ABHD6: variants seen among roughly 807,000 people sequenced by gnomAD.
ABHD6 encodes monoacylglycerol lipase ABHD6.
A neutral mutation model predicts 38.8 loss-of-function variants in ABHD6; 33 were observed. That is an observed-to-expected ratio of 0.85 (90% CI 0.64 to 1.14). The LOEUF is 1.14. ABHD6 is among the 50% of genes most tolerant of loss of function. The pLI is 0.00. For missense variants in ABHD6, 380 were observed against 422.6 expected, an observed-to-expected ratio of 0.90 and a Z score of 0.88; for synonymous variants, 147 against 161.6, an observed-to-expected ratio of 0.91 and a Z score of 0.69.
At chr3:58,282,249 T>C (rs2097453832) in intron 7 of ABHD6, among the ~76,000 whole-genome samples, 1 of 152,084 alleles carries the variant, frequency 6.6e-6, no homozygotes, top group Non-Finnish European at 1.5e-5. Context: ...ATAGGACCAC[T>C]GAGAGATTGT....
intron 7 of ABHD6, among the ~76,000 whole-genome samples, chr3:58,282,652 C>T (rs1473752644): frequency 1.3e-5 from 2 of 152,156 alleles, no homozygotes; most frequent in African/African-American, 2.4e-5. Flanking sequence ...GAGAGGATCA[C>T]CTGAGCCCAG....
At chr3:58,275,230 C>T (rs2097447896) in intron 7 of ABHD6, among the ~76,000 whole-genome samples, 2 of 149,250 alleles carry the variant, frequency 1.3e-5, no homozygotes, top group South Asian at 4.2e-4. Flanking sequence ...GCTGGAGCCC[C>T]AAGAATAAGA....
chr3:58,279,712 T>C (rs2097451522), intron 7 of ABHD6, among the ~76,000 whole-genome samples: 1 of 152,238 alleles, frequency 6.6e-6, no homozygotes, highest in South Asian at 2.1e-4. Context: ...TGGCATGTTT[T>C]TGCAGTGGCT....
At chr3:58,291,347 C>T (rs925897484) in intron 9 of ABHD6, among the ~76,000 whole-genome samples, 2 of 151,888 alleles carry the variant, frequency 1.3e-5, no homozygotes, top group Admixed American at 6.6e-5. Context: ...AGCTTCGGCT[C>T]GGCATCAGAG....
chr3:58,293,698 C>T lies in ABHD6; in HGVS notation c.947C>T (p.Thr316Ile). 5.6e-6 allele frequency: 9 copies of T among 1,614,250 alleles called. No individual in the cohort carries two copies. Among genetic ancestry groups the T allele is most frequent in the Non-Finnish European group, 7.6e-6 (9 of 1,180,044 alleles). Residue 316 changes from threonine (T) to isoleucine (I), a missense_variant, in exon 10 of 10, where the codon ACA (threonine) becomes ATA (isoleucine). Physicochemically the swap from Thr to Ile is moderately conservative, Grantham distance 89 (BLOSUM62 -1). Transcript: ENST00000478253. The surrounding 1 kb of genome is among the most constrained non-coding windows in gnomAD (Gnocchi z 4.4). ...HSVVMERPRK[T>I]AKLIIDFLAS... Reference sequence around the variant, plus strand: ...GTAGTGATGGAAAGACCCAGGAAGACAGCCAAGCTCATAATCGACTTTTTA... The same window carrying T: ...GTAGTGATGGAAAGACCCAGGAAGATAGCCAAGCTCATAATCGACTTTTTA...
intron 1 of ABHD6, among the ~76,000 whole-genome samples, chr3:58,249,240 A>G (rs1266984882): frequency 6.6e-6 from 1 of 152,212 alleles, no homozygotes; most frequent in Non-Finnish European, 1.5e-5. Context: ...GCCCTTTCCT[A>G]TGGAGATACT....
At chr3:58,244,683 G>C (rs1169519712) in intron 1 of ABHD6, among the ~76,000 whole-genome samples, 1 of 151,982 alleles carries the variant, frequency 6.6e-6, no homozygotes, top group East Asian at 1.9e-4. Flanking sequence ...AGGATCACTT[G>C]GGCCCAGGAG....
intron 9 of ABHD6, among the ~76,000 whole-genome samples, chr3:58,286,850 G>GCATA (rs1553721726): frequency 2.7e-5 from 2 of 72,824 alleles, no homozygotes; most frequent in African/African-American, 4.7e-5. Flanking sequence ...GTGTGTGTGT[G>GCATA]TGTATATATA....
At chr3:58,275,477 G>A (rs2097448098) in intron 7 of ABHD6, among the ~76,000 whole-genome samples, 1 of 151,796 alleles carries the variant, frequency 6.6e-6, no homozygotes, top group African/African-American at 2.4e-5. Context: ...TTATAGGTGT[G>A]CGCCACCACG....
rs1056312473 is a variant in ABHD6 at position 58,273,662 on chromosome 3, C to T, written c.524-996C>T. Among the ~76,000 whole-genome samples, 1 of 151,968 alleles carries T rather than the reference C, an allele frequency of 6.6e-6. No individual in the cohort carries two copies. The highest frequency in any genetic ancestry group is 2.4e-5 in the African/African-American group (1 of 41,352). On this transcript the variant is annotated intron_variant, in intron 6 of 9. Coordinates refer to ENST00000478253, the MANE Select transcript of ABHD6 (RefSeq NM_001320126.2). The surrounding 1 kb of genome is among the most constrained non-coding windows in gnomAD (Gnocchi z 4.8). ...CACCGCATGTTCTCACTCATAAGTG[C>T]GAGTTGAACAGTGAGAAGACATGGA... is the stretch of plus-strand genomic sequence containing the variant.
At position 58,267,077 on chromosome 3, in the gene ABHD6, A is replaced by G; in HGVS notation, c.120-112A>G. On this transcript the variant is annotated intron_variant, in intron 3 of 9. Coordinates refer to ENST00000478253, the MANE Select transcript of ABHD6 (RefSeq NM_001320126.2). The surrounding 1 kb of genome is among the most constrained non-coding windows in gnomAD (Gnocchi z 4.3). ...ACTGATGGAGGACAAGGGCTGGAGA[A>G]GTGTTTGTGTTATCACTAAGGAAGA... 13 of 1,158,458 alleles carry G rather than the reference A, an allele frequency of 1.1e-5. No individual in the cohort carries two copies. The highest frequency in any genetic ancestry group is 1.6e-5 in the Non-Finnish European group (13 of 809,246). The allele number at this position is 1,158,458 out of a possible 1,614,324, so 71.8% of individuals were successfully genotyped here.
chr3:58,282,162 C>T (rs553361766), intron 7 of ABHD6, among the ~76,000 whole-genome samples: 1 of 152,202 alleles, frequency 6.6e-6, no homozygotes, highest in South Asian at 2.1e-4. Context: ...CTCCCAAGAA[C>T]CACTTTGAAA....
chr3:58,240,101 G>A (rs986640481), intron 1 of ABHD6, among the ~76,000 whole-genome samples: 4 of 152,030 alleles, frequency 2.6e-5, no homozygotes, highest in Non-Finnish European at 5.9e-5. Context: ...GCAGTGAGCT[G>A]AGATTGCTCC....
chr3:58,277,424 T>G (rs4681834), intron 7 of ABHD6, among the ~76,000 whole-genome samples: 83,806 of 151,826 alleles, frequency 0.55, 25,826 homozygotes, highest in African/African-American at 0.84. Flanking sequence ...TTTGTTATTG[T>G]TGTATAGGAA....
At position 58,256,096 on chromosome 3, in the gene ABHD6, C is replaced by CACACACACAT. The variant is rs34253200; in HGVS notation, c.-25-457_-25-456insTACACACACA. ...CCACCAACACACACACACACACACA[C>CACACACACAT]ACACACACACACATACACACACTAC... On this transcript the variant is annotated intron_variant, in intron 2 of 9. Transcript: ENST00000478253. This position sits in a 1 kb window ranked among gnomAD's most constrained non-coding sequence, Gnocchi z 4.3. Among the ~76,000 whole-genome samples the CACACACACAT allele has an allele frequency of 6.8e-6, 1 of 147,438 alleles. No homozygotes were observed. The highest frequency in any genetic ancestry group is 6.8e-5 in the Admixed American group (1 of 14,790).
chr3:58,293,907 A>G lies in ABHD6; in HGVS notation c.*142A>G, dbSNP rs1260358776. 1 of 885,406 alleles carries G rather than the reference A, an allele frequency of 1.1e-6. No homozygotes were observed. The highest frequency in any genetic ancestry group is 1.7e-6 in the Non-Finnish European group (1 of 605,680). 54.8% of individuals were successfully genotyped at this position (885,406 alleles called of 1,614,324 possible). On this transcript the variant is annotated 3_prime_UTR_variant, in exon 10 of 10. Transcript: ENST00000478253. The surrounding 1 kb of genome is among the most constrained non-coding windows in gnomAD (Gnocchi z 4.4). ...AGGAAGCCCGTCCCTTATCCCTGGT[A>G]TCCACGGTTCCCCAGAGCTTTGGGG... is the stretch of plus-strand genomic sequence containing the variant.
chr3:58,275,351 AC>A (rs2107461138), intron 7 of ABHD6, among the ~76,000 whole-genome samples: 1 of 109,452 alleles, frequency 9.1e-6, no homozygotes, highest in African/African-American at 4.3e-5. Context: ...TTTTTTCCAG[AC>A]AGAGTCTCAC....
rs548611646 is a variant in ABHD6 at position 58,266,644 on chromosome 3, C to A, written c.120-545C>A. On this transcript the variant is annotated intron_variant, in intron 3 of 9. Transcript: ENST00000478253. This position sits in a 1 kb window ranked among gnomAD's most constrained non-coding sequence, Gnocchi z 4.0. ...GTGTGAAGTATCTTACAAAGTGCAC[C>A]TCTGATTGAATTAATTATCTCTCAT... Among the ~76,000 whole-genome samples, 3 of 152,138 alleles carry A rather than the reference C, an allele frequency of 2.0e-5. No homozygotes were observed. Among genetic ancestry groups the A allele is most frequent in the East Asian group, 3.9e-4 (2 of 5,192 alleles).
At chr3:58,272,698 G>A (rs1010822775) in intron 6 of ABHD6, among the ~76,000 whole-genome samples, 7 of 152,002 alleles carry the variant, frequency 4.6e-5, no homozygotes, top group African/African-American at 1.7e-4. Flanking sequence ...TCAAGTATAG[G>A]TTCATTTGCT....
Sources: gnomAD v4.1 joint callset for allele counts (sites outside exome capture counted in the v4.1 genomes callset) on GRCh38, gnomAD v4.1.1 for gene constraint, Gnocchi (gnomAD v3.1) non-coding constraint, MANE v1.5 for transcripts, NCBI Gene and HGNC (gene_info 2026-07-23, HGNC 2026-07-21) for gene names.